DIAPH2: variants seen among roughly 807,000 people sequenced by gnomAD.
The protein encoded by DIAPH2 is protein diaphanous homolog 2.
DIAPH2 carries 35 observed loss-of-function variants against 92.7 expected under a neutral mutation model. That is an observed-to-expected ratio of 0.38 (90% CI 0.29 to 0.50). The LOEUF is 0.50. Ranked by LOEUF, DIAPH2 falls within the 20% of genes least tolerant of loss-of-function variation. The probability of loss-of-function intolerance (pLI) is 0.94; values close to 1 mark genes in which losing one functional copy is unlikely to be tolerated. For missense variants in DIAPH2, 701 were observed against 819.5 expected, an observed-to-expected ratio of 0.86 and a Z score of 1.77; for synonymous variants, 301 against 280.4, an observed-to-expected ratio of 1.07 and a Z score of -0.73.
At chrX:97,000,758 C>T (rs2066138385) in intron 17 of DIAPH2, among the ~76,000 whole-genome samples, 1 of 111,577 alleles carries the variant, frequency 9.0e-6, no homozygotes, top group African/African-American at 3.3e-5. Flanking sequence ...ATTAATCTGC[C>T]ATTGTTATCC....
chrX:97,402,589 T>C (rs1399844575), intron 25 of DIAPH2, among the ~76,000 whole-genome samples: 9 of 111,797 alleles, frequency 8.1e-5, no homozygotes, highest in Non-Finnish European at 1.3e-4. Flanking sequence ...ATCTGAACTT[T>C]AGAGGAAAGG....
chrX:97,459,537 G>A (rs2070440260), intron 26 of DIAPH2, among the ~76,000 whole-genome samples: 1 of 112,116 alleles, frequency 8.9e-6, no homozygotes, highest in South Asian at 3.7e-4. Context: ...TCCTTGGAAC[G>A]TTTTATTGAT....
At chrX:96,795,170 T>C (rs1466883555) in intron 4 of DIAPH2, among the ~76,000 whole-genome samples, 1 of 111,892 alleles carries the variant, frequency 8.9e-6, no homozygotes, top group African/African-American at 3.2e-5. Context: ...TCAGCAAATA[T>C]TTAAAGCAGT....
chrX:96,941,519 A>G (rs1377115263), intron 12 of DIAPH2, among the ~76,000 whole-genome samples: 4 of 111,516 alleles, frequency 3.6e-5, no homozygotes, highest in African/African-American at 9.8e-5. Flanking sequence ...GTCTTGTAAT[A>G]TAAGTGGCTC....
At chrX:97,409,275 G>A (rs965919059) in intron 25 of DIAPH2, among the ~76,000 whole-genome samples, 2 of 111,784 alleles carry the variant, frequency 1.8e-5, no homozygotes, top group African/African-American at 3.3e-5. Context: ...ATTTGTCCAC[G>A]ATTAAATAAG....
At chrX:96,739,470 A>G (rs985130607) in intron 3 of DIAPH2, among the ~76,000 whole-genome samples, 7 of 111,389 alleles carry the variant, frequency 6.3e-5, no homozygotes, top group Non-Finnish European at 1.3e-4. Flanking sequence ...GTGGTTGTCT[A>G]TTTACCTGTA....
At chrX:97,457,198 T>C (rs2070415280) in intron 26 of DIAPH2, among the ~76,000 whole-genome samples, 1 of 111,492 alleles carries the variant, frequency 9.0e-6, no homozygotes, top group Non-Finnish European at 1.9e-5. Flanking sequence ...TTATTGTGTT[T>C]TTAGTAGAGA....
intron 12 of DIAPH2, among the ~76,000 whole-genome samples, chrX:96,939,902 A>C (rs2065693058): frequency 1.2e-5 from 1 of 83,497 alleles, no homozygotes; most frequent in African/African-American, 6.1e-5. Context: ...TGACCTCGTG[A>C]TCCGCCCGTC....
At chrX:96,701,332 G>A (rs1365697125) in intron 1 of DIAPH2, among the ~76,000 whole-genome samples, 1 of 111,419 alleles carries the variant, frequency 9.0e-6, no homozygotes, top group Admixed American at 9.6e-5. Flanking sequence ...AATGAGAAAA[G>A]GACAGATACA....
intron 1 of DIAPH2, among the ~76,000 whole-genome samples, chrX:96,698,789 A>G (rs1251534993): frequency 9.5e-6 from 1 of 105,504 alleles, no homozygotes; most frequent in Non-Finnish European, 1.9e-5. Context: ...ATGCAGTGGC[A>G]TGATCATAGC....
chrX:96,855,429 T>C (rs1017292533), intron 4 of DIAPH2, among the ~76,000 whole-genome samples: 1 of 110,807 alleles, frequency 9.0e-6, no homozygotes, highest in African/African-American at 3.3e-5. Flanking sequence ...AAAAAATGTT[T>C]TGTTGCATAT....
chrX:97,341,502 TAAG>T (rs1289605501), intron 23 of DIAPH2, among the ~76,000 whole-genome samples: 2 of 110,058 alleles, frequency 1.8e-5, no homozygotes, highest in Non-Finnish European at 3.8e-5. Context: ...TTATATAAAA[TAAG>T]AATATTTTAT....
At position 97,600,192 on chromosome X, in the gene DIAPH2, T is replaced by G. The variant is rs747678190; in HGVS notation, c.*875T>G. ...TTTATTTAGATTTCAAAGGCAAATA[T>G]TGATTCCTATGCTCTGTGGTTTATT... On this transcript the variant is annotated 3_prime_UTR_variant, in exon 27 of 27. Transcript: ENST00000324765. 8.9e-6 allele frequency: 1 copy of G among 112,494 alleles called. No homozygotes were observed. The highest frequency in any genetic ancestry group is 2.8e-4 in the East Asian group (1 of 3,605). The allele number at this position is 112,494 out of a possible 1,213,427, so 9.3% of individuals were successfully genotyped here.
At chrX:97,086,655 T>TTTTG (rs36019707) in intron 19 of DIAPH2, among the ~76,000 whole-genome samples, 44,947 of 109,953 alleles carry the variant, frequency 0.41, 6,777 homozygotes, top group African/African-American at 0.48. Context: ...AATATATCCT[T>TTTTG]TTTGTCAATT....
At chrX:97,367,495 G>A (rs1010113342) in intron 24 of DIAPH2, among the ~76,000 whole-genome samples, 1 of 111,253 alleles carries the variant, frequency 9.0e-6, no homozygotes, top group Non-Finnish European at 1.9e-5. Context: ...ATTCAAACAT[G>A]ATCCACGCTA....
At chrX:97,402,983 CA>C (rs2069772968) in intron 25 of DIAPH2, among the ~76,000 whole-genome samples, 1 of 111,613 alleles carries the variant, frequency 9.0e-6, no homozygotes, top group Non-Finnish European at 1.9e-5. Context: ...GAGCTCCTTG[CA>C]AAATGAAAAT....
intron 1 of DIAPH2, among the ~76,000 whole-genome samples, chrX:96,706,951 C>T (rs998137603): frequency 1.8e-5 from 2 of 110,726 alleles, no homozygotes; most frequent in Admixed American, 1.9e-4. Flanking sequence ...GAGGTATATC[C>T]AAATCTCTGG....
intron 4 of DIAPH2, among the ~76,000 whole-genome samples, chrX:96,855,835 C>T (rs770990258): frequency 7.2e-5 from 8 of 110,655 alleles, no homozygotes; most frequent in South Asian, 3.8e-4. Flanking sequence ...TTGGATATTC[C>T]GAACTAACAA....
At chrX:97,091,506 A>C (rs1198859577) in intron 19 of DIAPH2, among the ~76,000 whole-genome samples, 1 of 111,016 alleles carries the variant, frequency 9.0e-6, no homozygotes, top group Non-Finnish European at 1.9e-5. Context: ...AATCTCCTGG[A>C]CTCAAGCAGT....
Sources: gnomAD v4.1 joint callset for allele counts (sites outside exome capture counted in the v4.1 genomes callset) on GRCh38, gnomAD v4.1.1 for gene constraint, MANE v1.5 for transcripts, NCBI Gene and HGNC (gene_info 2026-07-23, HGNC 2026-07-21) for gene names.